The following LRP1B variants were observed in gnomAD, a reference collection of about 807,000 sequenced individuals.
The protein encoded by LRP1B is low-density lipoprotein receptor-related protein 1B.
LRP1B carries 217 observed loss-of-function variants against 556.6 expected under a neutral mutation model. That is an observed-to-expected ratio of 0.39 (90% confidence interval 0.35 to 0.44). LRP1B has a LOEUF of 0.44. Among genes scored for constraint, LRP1B ranks in the 20% least tolerant of loss-of-function variants. The probability of loss-of-function intolerance (pLI) is 1.00; values close to 1 mark genes in which losing one functional copy is unlikely to be tolerated. For missense variants in LRP1B, 5,053 were observed against 5,620.8 expected, an observed-to-expected ratio of 0.90 and a Z score of 3.23; for synonymous variants, 2,047 against 1,865.8, an observed-to-expected ratio of 1.10 and a Z score of -2.50.
At chr2:140,812,335 T>G (rs1228803926) in intron 32 of LRP1B, among the ~76,000 whole-genome samples, 1 of 152,088 alleles carries the variant, frequency 6.6e-6, no homozygotes, top group Non-Finnish European at 1.5e-5. Flanking sequence ...TAATAAAAAT[T>G]GAAATAGAGA....
intron 7 of LRP1B, among the ~76,000 whole-genome samples, chr2:141,090,914 T>C (rs1700156101): frequency 6.6e-6 from 1 of 152,164 alleles, no homozygotes; most frequent in African/African-American, 2.4e-5. Flanking sequence ...ATATCAAAGA[T>C]GAAATGTAGG....
At chr2:140,699,827 T>A (rs982409773) in intron 41 of LRP1B, among the ~76,000 whole-genome samples, 4 of 147,222 alleles carry the variant, frequency 2.7e-5, no homozygotes, top group African/African-American at 9.9e-5. Context: ...TATACACATA[T>A]ATACAGAAAA....
chr2:140,284,911 T>TATATCTA (rs1683072640), intron 84 of LRP1B, among the ~76,000 whole-genome samples: 1 of 22,954 alleles, frequency 4.4e-5, no homozygotes, highest in Non-Finnish European at 1.2e-4. Flanking sequence ...TATATACCTA[T>TATATCTA]ATACCTAGAT....
At chr2:141,679,381 C>T (rs960226613) in intron 2 of LRP1B, among the ~76,000 whole-genome samples, 4 of 151,754 alleles carry the variant, frequency 2.6e-5, no homozygotes, top group African/African-American at 4.8e-5. Flanking sequence ...TTTGTTATGC[C>T]GTAATAAATA....
At chr2:141,274,643 A>T (rs932820269) in intron 3 of LRP1B, among the ~76,000 whole-genome samples, 1 of 152,170 alleles carries the variant, frequency 6.6e-6, no homozygotes, top group Non-Finnish European at 1.5e-5. Flanking sequence ...TGGTTGCACA[A>T]CTATAAATAT....
intron 1 of LRP1B, among the ~76,000 whole-genome samples, chr2:141,820,195 A>G (rs1163545456): frequency 6.6e-6 from 1 of 152,226 alleles, no homozygotes; most frequent in Non-Finnish European, 1.5e-5. Flanking sequence ...GACTTTTACA[A>G]TAGCTGGCAT....
chr2:141,276,607 T>C (rs1685297804), intron 3 of LRP1B, among the ~76,000 whole-genome samples: 1 of 151,888 alleles, frequency 6.6e-6, no homozygotes, highest in Admixed American at 6.6e-5. Context: ...TCCATCCATG[T>C]TGATGCAAAG....
chr2:140,590,772 T>C (rs1682190580), intron 43 of LRP1B, among the ~76,000 whole-genome samples: 1 of 152,178 alleles, frequency 6.6e-6, no homozygotes, highest in Non-Finnish European at 1.5e-5. Context: ...CAGTCTAAAG[T>C]ATTGTGTTAT....
intron 66 of LRP1B, among the ~76,000 whole-genome samples, chr2:140,390,547 A>T (rs1217067362): frequency 6.8e-6 from 1 of 147,726 alleles, no homozygotes; most frequent in East Asian, 2.0e-4. Flanking sequence ...AGGCATTGAA[A>T]AAAAGCATTC....
intron 3 of LRP1B, among the ~76,000 whole-genome samples, chr2:141,408,987 T>C (rs1206896213): frequency 6.6e-6 from 1 of 152,178 alleles, no homozygotes; most frequent in Non-Finnish European, 1.5e-5. Flanking sequence ...TACATTTCTC[T>C]ACATTGGCTT....
chr2:141,510,678 T>C lies in LRP1B; in HGVS notation c.206-30145A>G, dbSNP rs140361708. The stretch of plus-strand genomic sequence containing the variant: ...TCACTGAATACAGCACTCTCTGTGC[T>C]CAAAAGCAACCTTTTCAGAGAGGCC... On this transcript the variant is annotated intron_variant, in intron 2 of 90. Transcript: ENST00000389484. Among the ~76,000 whole-genome samples the C allele has an allele frequency of 2.2e-4, 33 of 152,224 alleles. No homozygotes were observed. In the East Asian group the frequency reaches 5.6e-3, roughly 26 times the overall value.
At chr2:140,980,401 A>G (rs778419180) in intron 18 of LRP1B, among the ~76,000 whole-genome samples, 19 of 152,180 alleles carry the variant, frequency 1.2e-4, no homozygotes, top group Non-Finnish European at 2.2e-4. Flanking sequence ...GAGAGAATAC[A>G]CTGCTCAACC....
chr2:141,206,780 T>C (rs1376430022), intron 6 of LRP1B, among the ~76,000 whole-genome samples: 1 of 152,084 alleles, frequency 6.6e-6, no homozygotes, highest in Non-Finnish European at 1.5e-5. Context: ...CATTCAGAAA[T>C]TGGCAAGCAG....
chr2:141,053,741 A>G (rs1390643440), intron 10 of LRP1B, among the ~76,000 whole-genome samples: 1 of 152,022 alleles, frequency 6.6e-6, no homozygotes, highest in South Asian at 2.1e-4. Flanking sequence ...GTACTACATT[A>G]GGGACAATTG....
chr2:141,949,271 A>G (rs1260427037), intron 1 of LRP1B, among the ~76,000 whole-genome samples: 1 of 152,176 alleles, frequency 6.6e-6, no homozygotes, highest in East Asian at 1.9e-4. Flanking sequence ...GTTTTATACC[A>G]TGATCTATTT....
chr2:140,535,029 C>T (rs1558950236), intron 46 of LRP1B, among the ~76,000 whole-genome samples: 1 of 152,280 alleles, frequency 6.6e-6, no homozygotes, highest in South Asian at 2.1e-4. Flanking sequence ...TGCCCATAGG[C>T]CAGATCTAGC....
At chr2:141,505,641 C>T (rs80323516) in intron 2 of LRP1B, among the ~76,000 whole-genome samples, 4,145 of 152,008 alleles carry the variant, frequency 0.027, 95 homozygotes, top group Non-Finnish European at 0.037. Context: ...TTTTAATTGT[C>T]TTTTAGTTAC....
chr2:141,236,228 T>C (rs1683643993), intron 5 of LRP1B, among the ~76,000 whole-genome samples: 1 of 152,200 alleles, frequency 6.6e-6, no homozygotes, highest in South Asian at 2.1e-4. Context: ...TTTTGAAGTA[T>C]ACATACATTG....
chr2:140,361,979 C>T (rs1219814102), intron 72 of LRP1B, among the ~76,000 whole-genome samples: 1 of 151,510 alleles, frequency 6.6e-6, no homozygotes, highest in Non-Finnish European at 1.5e-5. Context: ...AATGGGAAAG[C>T]AAAAACAACA....
Sources: gnomAD v4.1 joint callset for allele counts (sites outside exome capture counted in the v4.1 genomes callset) on GRCh38, gnomAD v4.1.1 for gene constraint, MANE v1.5 for transcripts, NCBI Gene and HGNC (gene_info 2026-07-23, HGNC 2026-07-21) for gene names.